The following CCDC34 variants were observed in gnomAD, a reference collection of about 807,000 sequenced individuals.
CCDC34 encodes coiled-coil domain containing 34, also known as coiled-coil domain-containing protein 34.
In CCDC34, 40 loss-of-function variants were observed where a neutral mutation model predicts 44.1. The observed-to-expected ratio is 0.91, with a 90% CI of 0.70 to 1.18. The LOEUF is 1.18. CCDC34 is among the 50% of genes most tolerant of loss of function. The pLI is 0.00. For synonymous variants in CCDC34, 159 were observed against 158.2 expected, an observed-to-expected ratio of 1.01 and a Z score of -0.04; for missense variants, 466 against 452.3, an observed-to-expected ratio of 1.03 and a Z score of -0.28.
chr11:27,362,572 G>C (rs572357762), intron 1 of CCDC34, among the ~76,000 whole-genome samples: 35 of 152,252 alleles, frequency 2.3e-4, no homozygotes, highest in African/African-American at 6.3e-4. Flanking sequence ...TTGTGTGTTT[G>C]AGACTATGTA....
intron 2 of CCDC34, among the ~76,000 whole-genome samples, chr11:27,352,312 G>C (rs1034913772): frequency 5.9e-5 from 9 of 152,010 alleles, no homozygotes; most frequent in Non-Finnish European, 1.2e-4. Flanking sequence ...GAACCTGGGA[G>C]GCAGAGGTTT....
intron 2 of CCDC34, among the ~76,000 whole-genome samples, chr11:27,356,386 C>T (rs1217951956): frequency 6.6e-6 from 1 of 151,850 alleles, no homozygotes; most frequent in Non-Finnish European, 1.5e-5. Context: ...AAACAGATAA[C>T]TATATTTTAA....
rs1203762897 is a variant in CCDC34, at chr11:27,363,023, T to TCAGCGG, written c.166_171dup (p.Pro56_Leu57dup). The TCAGCGG allele has an allele frequency of 1.2e-6, 2 of 1,614,096 alleles. No individual in the cohort carries two copies. Among genetic ancestry groups the TCAGCGG allele is most frequent in the Middle Eastern group, 1.6e-4 (1 of 6,062 alleles). ...AGCGACCTGGTGGAATTGCTGCAGC[T>TCAGCGG]CAGCGGCAGCGGCGGCGACGGCGAG... is the stretch of plus-strand genomic sequence containing the variant. On this transcript the variant is annotated inframe_insertion, in exon 1 of 6. Transcript: ENST00000328697.
intron 4 of CCDC34, 59 bp downstream of exon 4, chr11:27,341,333 A>G (rs1051021693): frequency 4.0e-6 from 4 of 1,004,016 alleles, no homozygotes; most frequent in African/African-American, 1.7e-5. Context: ...TCTAAGATAT[A>G]GTTGACACAT....
In CCDC34 at chr11:27,338,663, A is replaced by G; in HGVS notation, c.*158T>C. On this transcript the variant is annotated 3_prime_UTR_variant, in exon 6 of 6. Transcript: ENST00000328697. ...GTTTATAAAAACCAAAATCCAGAAA[A>G]TATCTTCCTCAACTCTAAGGACTCC... 1 of 606,422 alleles carries G rather than the reference A, an allele frequency of 1.6e-6. No homozygotes were observed. Among genetic ancestry groups the G allele is most frequent in the Non-Finnish European group, 2.8e-6 (1 of 361,626 alleles). 37.6% of individuals were successfully genotyped at this position (606,422 alleles called of 1,614,324 possible).
chr11:27,354,407 G>T (rs1208188209), intron 2 of CCDC34, among the ~76,000 whole-genome samples: 1 of 152,102 alleles, frequency 6.6e-6, no homozygotes, highest in Non-Finnish European at 1.5e-5. Flanking sequence ...AACTTTGAGT[G>T]CTTTGTACAT....
At chr11:27,357,298 A>G (rs1862592237) in intron 2 of CCDC34, 105 bp downstream of exon 2, 2 of 1,121,842 alleles carry the variant, frequency 1.8e-6, no homozygotes, top group Non-Finnish European at 2.5e-6. Flanking sequence ...ACATAAATGC[A>G]AAGACTTTGT....
chr11:27,351,718 T>C (rs370363040), intron 2 of CCDC34, among the ~76,000 whole-genome samples: 4 of 152,202 alleles, frequency 2.6e-5, no homozygotes, highest in African/African-American at 9.7e-5. Flanking sequence ...TTGCGAGTTA[T>C]TGCATATCAT....
rs1862693763 is a variant in CCDC34 at position 27,363,022 on chromosome 11, C to T, written c.173G>A (p.Ser58Asn). The T allele has an allele frequency of 6.2e-7, 1 of 1,614,054 alleles. No homozygotes were observed. Among genetic ancestry groups the T allele is most frequent in the African/African-American group, 1.3e-5 (1 of 74,938 alleles). The change falls in exon 1 of 6, where the codon AGC (serine) becomes AAC (asparagine). Residue 58 changes from serine (S) to asparagine (N), a missense_variant. Physicochemically the swap from Ser to Asn is conservative, Grantham distance 46 (BLOSUM62 1). Coordinates refer to ENST00000328697, the MANE Select transcript of CCDC34 (RefSeq NM_030771.2). Reference protein sequence around the residue: ...VRSPSPPLPLSCSNSTRSLLS... With the variant: ...VRSPSPPLPLNCSNSTRSLLS... The stretch of plus-strand genomic sequence containing the variant: ...CAGCGACCTGGTGGAATTGCTGCAG[C>T]TCAGCGGCAGCGGCGGCGACGGCGA...
At chr11:27,349,149 A>G (rs1339211204) in intron 3 of CCDC34, 3 of 979,918 alleles carry the variant, frequency 3.1e-6, no homozygotes, top group Non-Finnish European at 3.6e-6. Flanking sequence ...TTTAGAGGAA[A>G]GAGCAAACTA....
chr11:27,350,478 A>G (rs1862492837), intron 2 of CCDC34, 39 bp from the exon 3 acceptor site: 5 of 1,525,952 alleles, frequency 3.3e-6, no homozygotes, highest in Non-Finnish European at 4.4e-6. Flanking sequence ...CATTTAATAG[A>G]AGTACCCAAA....
chr11:27,339,502 A>C (rs1862323909), intron 5 of CCDC34, among the ~76,000 whole-genome samples: 1 of 152,182 alleles, frequency 6.6e-6, no homozygotes, highest in South Asian at 2.1e-4. Context: ...AGAAATTCTG[A>C]ATCAGTGTCA....
chr11:27,362,558 A>C (rs1862681043), intron 1 of CCDC34, among the ~76,000 whole-genome samples: 1 of 152,154 alleles, frequency 6.6e-6, no homozygotes, highest in South Asian at 2.1e-4. Flanking sequence ...ATGGTAGCAG[A>C]GTTTTGTGTG....
chr11:27,350,947 C>A (rs1265068897), intron 2 of CCDC34, among the ~76,000 whole-genome samples: 1 of 152,228 alleles, frequency 6.6e-6, no homozygotes, highest in Non-Finnish European at 1.5e-5. Context: ...GTTTTCTTCA[C>A]TGGTTTTATA....
At chr11:27,359,510 A>G (rs1303866945) in intron 1 of CCDC34, among the ~76,000 whole-genome samples, 1 of 148,196 alleles carries the variant, frequency 6.7e-6, no homozygotes, top group Non-Finnish European at 1.5e-5. Flanking sequence ...TTTTTTTGAG[A>G]CGGTGTCTCC....
At chr11:27,344,821 A>G (rs1862410778) in intron 3 of CCDC34, among the ~76,000 whole-genome samples, 1 of 152,116 alleles carries the variant, frequency 6.6e-6, no homozygotes, top group Admixed American at 6.5e-5. Context: ...TAGGACAGGC[A>G]TTATTAGGGA....
intron 5 of CCDC34, among the ~76,000 whole-genome samples, chr11:27,340,260 A>G (rs1313392827): frequency 3.9e-5 from 6 of 152,188 alleles, no homozygotes; most frequent in Non-Finnish European, 7.4e-5. Context: ...CTAAAGGCCA[A>G]TCGGTTTTGT....
intron 3 of CCDC34, among the ~76,000 whole-genome samples, chr11:27,342,509 A>T (rs1352204447): frequency 1.3e-5 from 2 of 152,058 alleles, no homozygotes; most frequent in South Asian, 2.1e-4. Flanking sequence ...ACTGTATGTA[A>T]GGGCACATCC....
chr11:27,360,293 A>G (rs927761697), intron 1 of CCDC34, among the ~76,000 whole-genome samples: 9 of 152,190 alleles, frequency 5.9e-5, no homozygotes, highest in African/African-American at 2.2e-4. Flanking sequence ...AACGCTTCTC[A>G]TTATCTTGTC....
Sources: gnomAD v4.1 joint callset for allele counts (sites outside exome capture counted in the v4.1 genomes callset) on GRCh38, gnomAD v4.1.1 for gene constraint, MANE v1.5 for transcripts, NCBI Gene and HGNC (gene_info 2026-07-23, HGNC 2026-07-21) for gene names.